The following DOCK7 variants were observed in gnomAD, a reference collection of about 807,000 sequenced individuals.
The protein encoded by DOCK7 is dedicator of cytokinesis 7, also known as dedicator of cytokinesis protein 7.
DOCK7 carries 138 observed loss-of-function variants against 271.0 expected under a neutral mutation model. The observed-to-expected ratio is 0.51, with a 90% CI of 0.44 to 0.59. DOCK7 has a LOEUF of 0.59. Ranked by LOEUF, DOCK7 falls within the 20% of genes least tolerant of loss-of-function variation. DOCK7 has a pLI of 0.00. For synonymous variants in DOCK7, 823 were observed against 876.1 expected (o/e 0.94, Z 1.07); for missense variants, 2,066 against 2,592.4 (o/e 0.80, Z 4.41).
chr1:62,618,161 T>C (rs1346384474), intron 14 of DOCK7, among the ~76,000 whole-genome samples: 2 of 152,118 alleles, frequency 1.3e-5, no homozygotes, highest in East Asian at 1.9e-4. Context: ...CCCAGAGTTA[T>C]GTAATGTTCA....
chr1:62,557,398 C>T (rs1486907031), intron 20 of DOCK7, among the ~76,000 whole-genome samples: 1 of 151,450 alleles, frequency 6.6e-6, no homozygotes, highest in Non-Finnish European at 1.5e-5. Context: ...TGTTTAGATG[C>T]TGATTTCTCT....
chr1:62,505,862 T>G, intron 35 of DOCK7, 46 bp from the exon 36 acceptor site: 1 of 1,586,076 alleles, frequency 6.3e-7, no homozygotes, highest in African/African-American at 1.4e-5. Context: ...TACTTGCAAT[T>G]TAGTTATGGA....
chr1:62,582,430 G>A (rs1647160017), intron 16 of DOCK7, among the ~76,000 whole-genome samples: 1 of 147,696 alleles, frequency 6.8e-6, no homozygotes, highest in South Asian at 2.2e-4. Flanking sequence ...GGCGCCTGTA[G>A]TCCCAGCTAC....
chr1:62,654,208 G>A lies in DOCK7; in HGVS notation c.145-49C>T, dbSNP rs948017636. The A allele has an allele frequency of 8.7e-6, 13 of 1,494,230 alleles. No individual in the cohort carries two copies. In the Admixed American group the frequency reaches 2.8e-4, roughly 32 times the overall value. 92.6% of individuals were successfully genotyped at this position (1,494,230 alleles called of 1,614,324 possible). A position where few individuals can be genotyped will look rare whatever the true frequency, so the allele number is the denominator to read the frequency against. ...GATGGGTAGAAAACAAGAGGTGAAT[G>A]TAATAATTTTAAAACTTAAGGCAAA... On this transcript the variant is annotated intron_variant, in intron 2 of 49. Transcript: ENST00000635253.
chr1:62,535,468 A>G (rs201803627), intron 29 of DOCK7, 25 bp downstream of exon 29: 1 of 1,605,068 alleles, frequency 6.2e-7, no homozygotes, highest in South Asian at 1.1e-5. Flanking sequence ...CTCATATTCT[A>G]CAAGGTAAAA....
At position 62,688,165 on chromosome 1, in the gene DOCK7, G is replaced by A. The variant is rs548759013; in HGVS notation, c.38+62C>T. The stretch of plus-strand genomic sequence containing the variant: ...CCCACCCGCCTCCTAGGCCAGGCCT[G>A]GGAGGACTCCGCGGCTCTTTCTCGG... On this transcript the variant is annotated intron_variant, in intron 1 of 49. Transcript: ENST00000635253. 1,561 of 1,323,514 alleles carry A rather than the reference G, an allele frequency of 1.2e-3. 12 individuals are homozygous for A. In the African/African-American group the frequency reaches 0.021, roughly 18 times the overall value. 82.0% of individuals were successfully genotyped at this position (1,323,514 alleles called of 1,614,324 possible).
At chr1:62,586,399 T>G (rs1191296641) in intron 15 of DOCK7, 108 bp downstream of exon 15, 7 of 740,822 alleles carry the variant, frequency 9.4e-6, no homozygotes, top group African/African-American at 1.8e-5. Flanking sequence ...GAAATTTGGT[T>G]TAAAAGATCA....
At chr1:62,581,254 A>G (rs904329896) in intron 16 of DOCK7, among the ~76,000 whole-genome samples, 3 of 152,040 alleles carry the variant, frequency 2.0e-5, no homozygotes, top group African/African-American at 4.8e-5. Flanking sequence ...ATTATAATAG[A>G]AAAAAAACCA....
In DOCK7 at chr1:62,454,991, T is replaced by C; in HGVS notation, c.*423A>G. On this transcript the variant is annotated 3_prime_UTR_variant, in exon 50 of 50. Coordinates refer to ENST00000635253, the MANE Select transcript of DOCK7 (RefSeq NM_001367561.1). The stretch of plus-strand genomic sequence containing the variant: ...CTGCCATTGTCAATAATAAAAATTT[T>C]GAAGTCCCACTCGGTAAAATTAGTG... The C allele has an allele frequency of 8.0e-6, 3 of 376,068 alleles. No homozygotes were observed. The highest frequency in any genetic ancestry group is 1.4e-5 in the Non-Finnish European group (3 of 211,658). 23.3% of individuals were successfully genotyped at this position (376,068 alleles called of 1,614,324 possible).
At chr1:62,521,112 G>GGGTAGGGGA (rs1644836093) in intron 31 of DOCK7, among the ~76,000 whole-genome samples, 1 of 152,014 alleles carries the variant, frequency 6.6e-6, no homozygotes, top group South Asian at 2.1e-4. Context: ...GGGGGTAGGG[G>GGGTAGGGGA]GGTAGGGGAG....
At chr1:62,510,539 C>T (rs746206366) in intron 34 of DOCK7, 38 bp downstream of exon 34, 95 of 1,476,990 alleles carry the variant, frequency 6.4e-5, no homozygotes, top group Non-Finnish European at 8.4e-5. Flanking sequence ...TAAAATTCAA[C>T]ACACCCATCA....
chr1:62,518,256 T>G (rs1181617739), intron 31 of DOCK7, among the ~76,000 whole-genome samples: 1 of 151,286 alleles, frequency 6.6e-6, no homozygotes, highest in Non-Finnish European at 1.5e-5. Flanking sequence ...GCCAACATAG[T>G]GCAACTCATC....
At chr1:62,496,622 A>C in intron 37 of DOCK7, 125 bp from the exon 38 acceptor site, 3 of 848,132 alleles carry the variant, frequency 3.5e-6, no homozygotes, top group Non-Finnish European at 5.2e-6. Flanking sequence ...TTTTTAAAGT[A>C]ATAAAATATG....
intron 10 of DOCK7, 89 bp from the exon 11 acceptor site, chr1:62,631,494 G>C: frequency 8.4e-7 from 1 of 1,190,010 alleles, no homozygotes; most frequent in South Asian, 1.7e-5. Context: ...AAAAGGATGA[G>C]AAGTCTCAAT....
In DOCK7 at chr1:62,578,731, A is replaced by AAC. The variant is rs890607184; in HGVS notation, c.2010+96_2010+97insGT. ...AGACTCTGTCTCAAAAAAAAAAAAA[A>AAC]AAAAAAAACCCACAAATGACCAGAA... is the stretch of plus-strand genomic sequence containing the variant. On this transcript the variant is annotated intron_variant, in intron 17 of 49. Transcript: ENST00000635253. 402 of 1,026,862 alleles carry AAC rather than the reference A, an allele frequency of 3.9e-4. 2 individuals are homozygous for AAC. In the African/African-American group the frequency reaches 6.2e-3, roughly 16 times the overall value. 63.6% of individuals were successfully genotyped at this position (1,026,862 alleles called of 1,614,324 possible). A position where few individuals can be genotyped will look rare whatever the true frequency, so the allele number is the denominator to read the frequency against.
At chr1:62,613,968 T>C (rs1172606497) in intron 14 of DOCK7, among the ~76,000 whole-genome samples, 1 of 152,114 alleles carries the variant, frequency 6.6e-6, no homozygotes, top group African/African-American at 2.4e-5. Context: ...AGTTAATAGA[T>C]AATGGCCATA....
intron 15 of DOCK7, chr1:62,584,504 A>T (rs1232707266): frequency 9.2e-7 from 1 of 1,087,104 alleles, no homozygotes; most frequent in Non-Finnish European, 1.1e-6. Context: ...TATGACTAAT[A>T]ACACACAAGT....
chr1:62,670,671 T>C (rs1659878380), intron 1 of DOCK7, among the ~76,000 whole-genome samples: 1 of 151,992 alleles, frequency 6.6e-6, no homozygotes, highest in Non-Finnish European at 1.5e-5. Flanking sequence ...GTGTGGAAAC[T>C]CTGTATCTAA....
Position 62,492,695 on chromosome 1 carries a change from G to A in DOCK7, c.5361+9C>T, listed in dbSNP as rs886194132. 1 of 1,613,668 alleles carries A rather than the reference G, an allele frequency of 6.2e-7. No individual in the cohort carries two copies. Among genetic ancestry groups the A allele is most frequent in the Non-Finnish European group, 8.5e-7 (1 of 1,179,852 alleles). ...AACTGTGGGAAAAGAATTAACAAGAGTCATCTACCATAGAGAAGGAAGCAG... is the reference window on the plus strand; with the variant it reads ...AACTGTGGGAAAAGAATTAACAAGAATCATCTACCATAGAGAAGGAAGCAG... On this transcript the variant is annotated intron_variant, in intron 41 of 49. Coordinates refer to ENST00000635253, the MANE Select transcript of DOCK7 (RefSeq NM_001367561.1).
Sources: allele counts gnomAD v4.1 joint callset (sites outside exome capture counted in the v4.1 genomes callset), GRCh38; gene constraint gnomAD v4.1.1; transcripts MANE v1.5; gene names NCBI Gene and HGNC (gene_info 2026-07-23, HGNC 2026-07-21).